The following SEC24A variants were observed in gnomAD, a reference collection of about 807,000 sequenced individuals.
SEC24A encodes the protein SEC24 homolog A, COPII component.
In SEC24A, 93 loss-of-function variants were observed where a neutral mutation model predicts 129.4. That is an observed-to-expected ratio of 0.72 (90% CI 0.61 to 0.85). The LOEUF is 0.85. SEC24A is among the 40% of genes least tolerant of loss of function. The probability of loss-of-function intolerance (pLI) is 0.00; values close to 1 mark genes in which losing one functional copy is unlikely to be tolerated. For synonymous variants in SEC24A, 460 were observed against 467.3 expected (o/e 0.98, Z 0.20); for missense variants, 1,264 against 1,307.4 (o/e 0.97, Z 0.51).
At chr5:134,672,888 A>G (rs995846853) in intron 4 of SEC24A, among the ~76,000 whole-genome samples, 9 of 151,744 alleles carry the variant, frequency 5.9e-5, no homozygotes, top group South Asian at 2.1e-4. Context: ...GGCATATGGT[A>G]CCATGCCAGG....
intron 3 of SEC24A, among the ~76,000 whole-genome samples, chr5:134,668,743 C>T (rs907339653): frequency 3.1e-4 from 46 of 147,510 alleles, no homozygotes; most frequent in Admixed American, 2.0e-3. Context: ...ACAAAAAAAA[C>T]CAATTAGCCA....
intron 10 of SEC24A, among the ~76,000 whole-genome samples, 195 bp from the exon 11 acceptor site, chr5:134,687,986 G>T (rs1444171528): frequency 1.3e-5 from 2 of 151,896 alleles, no homozygotes; most frequent in African/African-American, 4.8e-5. Flanking sequence ...TTTATTGTTT[G>T]GCTTACATGT....
chr5:134,665,215 G>A (rs1477480127), intron 2 of SEC24A, among the ~76,000 whole-genome samples: 3 of 151,702 alleles, frequency 2.0e-5, no homozygotes, highest in East Asian at 2.0e-4. Flanking sequence ...TTGAGAGGCC[G>A]AGGCGGGTGG....
chr5:134,715,197 G>T (rs1460685927), intron 19 of SEC24A, 36 bp downstream of exon 19: 1 of 1,568,022 alleles, frequency 6.4e-7, no homozygotes, highest in Non-Finnish European at 8.7e-7. Flanking sequence ...TTTACTTGAA[G>T]ATTAGTAAGC....
At position 134,664,822 on chromosome 5, in the gene SEC24A, G is replaced by T. The variant is rs767804507; in HGVS notation, c.566-2001G>T. On this transcript the variant is annotated intron_variant, in intron 2 of 22. Transcript: ENST00000398844. ...TTTTTTTTTTTTTTTTTTTTGAGACGGAGCCTTACTCTGTCGCCCAGGCTA... is the reference window on the plus strand; with the variant it reads ...TTTTTTTTTTTTTTTTTTTTGAGACTGAGCCTTACTCTGTCGCCCAGGCTA... Among the ~76,000 whole-genome samples the T allele has an allele frequency of 3.8e-5, 4 of 104,232 alleles. No individual in the cohort carries two copies. In the East Asian group the frequency reaches 7.9e-4, roughly 21 times the overall value. The allele number at this position is 104,232 out of a possible 152,430, so 68.4% of individuals were successfully genotyped here. A position where few individuals can be genotyped will look rare whatever the true frequency, so the allele number is the denominator to read the frequency against.
chr5:134,667,161 C>T (rs1750689500), intron 3 of SEC24A, among the ~76,000 whole-genome samples, 165 bp downstream of exon 3: 1 of 152,094 alleles, frequency 6.6e-6, no homozygotes. Flanking sequence ...TCAGGAATTC[C>T]ATTGCCATCC....
At chr5:134,716,690 C>T (rs534659682) in intron 19 of SEC24A, among the ~76,000 whole-genome samples, 1 of 146,962 alleles carries the variant, frequency 6.8e-6, no homozygotes, top group East Asian at 2.2e-4. Flanking sequence ...CCTGGGTACT[C>T]GGGAGGCTGA....
At chr5:134,721,124 C>A in intron 21 of SEC24A, 34 bp downstream of exon 21, 1 of 1,318,842 alleles carries the variant, frequency 7.6e-7, no homozygotes, top group Non-Finnish European at 1.1e-6. Flanking sequence ...TTATAAAGGG[C>A]ATTTCAAAGT....
At chr5:134,692,961 G>T in intron 12 of SEC24A, 1 of 1,285,406 alleles carries the variant, frequency 7.8e-7, no homozygotes, top group South Asian at 1.3e-5. Flanking sequence ...CTGAGATAAA[G>T]CTTCTGGTCA....
intron 11 of SEC24A, among the ~76,000 whole-genome samples, chr5:134,688,562 C>T (rs1751527654): frequency 6.6e-6 from 1 of 152,028 alleles, no homozygotes; most frequent in Non-Finnish European, 1.5e-5. Context: ...TTTTTTTCCC[C>T]CTTCTTCCCA....
At chr5:134,722,317 C>G (rs1752649371) in intron 21 of SEC24A, among the ~76,000 whole-genome samples, 1 of 151,946 alleles carries the variant, frequency 6.6e-6, no homozygotes, top group Non-Finnish European at 1.5e-5. Context: ...ATGGAGAAAC[C>G]CCCGTCTCAA....
intron 13 of SEC24A, among the ~76,000 whole-genome samples, chr5:134,696,749 C>T (rs946705457): frequency 3.3e-5 from 5 of 151,838 alleles, no homozygotes; most frequent in South Asian, 2.1e-4. Context: ...CCACCCACCT[C>T]GGCCTCCCAA....
intron 1 of SEC24A, among the ~76,000 whole-genome samples, chr5:134,650,835 C>T (rs1162483673): frequency 6.6e-6 from 1 of 151,788 alleles, no homozygotes; most frequent in Non-Finnish European, 1.5e-5. Context: ...AGTGCAATGG[C>T]GCTATCTCGG....
Position 134,686,907 on chromosome 5 carries a change from G to GT in SEC24A, c.1604+8dup, listed in dbSNP as rs760234674. 2 of 1,505,582 alleles carry GT rather than the reference G, an allele frequency of 1.3e-6. No individual in the cohort carries two copies. The highest frequency in any genetic ancestry group is 2.4e-5 in the South Asian group (2 of 84,264). The allele number at this position is 1,505,582 out of a possible 1,614,324, so 93.3% of individuals were successfully genotyped here. On this transcript the variant is annotated splice_donor_region_variant and intron_variant, in intron 10 of 22. Transcript: ENST00000398844. Reference sequence around the variant, plus strand: ...TTTGTTAGACAATCTGGATTTGTAAGTTTCTCAATTCAGCTTAAATATGAA... The same window carrying GT: ...TTTGTTAGACAATCTGGATTTGTAAGTTTTCTCAATTCAGCTTAAATATGAA...
At chr5:134,722,389 A>G (rs1164409877) in intron 21 of SEC24A, among the ~76,000 whole-genome samples, 1 of 151,468 alleles carries the variant, frequency 6.6e-6, no homozygotes, top group Non-Finnish European at 1.5e-5. Context: ...ACATGGAGAA[A>G]CCCCCATCTC....
Position 134,697,175 on chromosome 5 carries a change from A to G in SEC24A, c.2036A>G (p.Asp679Gly), listed in dbSNP as rs1315854014. The G allele has an allele frequency of 1.3e-6, 2 of 1,595,680 alleles. No individual in the cohort carries two copies. The highest frequency in any genetic ancestry group is 1.7e-6 in the Non-Finnish European group (2 of 1,164,540). Residue 679 changes from aspartate to glycine, a missense_variant, in exon 14 of 23, where the codon GAC becomes GGC. Asp to Gly is a moderately conservative substitution (Grantham distance 94, BLOSUM62 -1). Transcript: ENST00000398844. ...STDFYKKLAL[D>G]CSGQQVAVDL... ...GACTTCTATAAGAAATTAGCCTTGG[A>G]CTGTTCTGGTCAGCAAGTTGCTGTT...
intron 2 of SEC24A, among the ~76,000 whole-genome samples, chr5:134,664,365 A>T (rs1750580404): frequency 6.6e-6 from 1 of 151,988 alleles, no homozygotes; most frequent in African/African-American, 2.4e-5. Flanking sequence ...TTAATAGGTC[A>T]CCTTTAAGCA....
intron 16 of SEC24A, 52 bp from the exon 17 acceptor site, chr5:134,705,275 C>G: frequency 7.2e-7 from 1 of 1,388,662 alleles, no homozygotes; most frequent in East Asian, 2.3e-5. Flanking sequence ...TTAACATAAT[C>G]TTTTGTTTTA....
intron 15 of SEC24A, among the ~76,000 whole-genome samples, chr5:134,700,965 G>A (rs1382280547): frequency 4.0e-5 from 6 of 151,718 alleles, no homozygotes; most frequent in Non-Finnish European, 5.9e-5. Context: ...TGATCCATCC[G>A]CCTCGGCCTC....
Sources: allele counts gnomAD v4.1 joint callset (sites outside exome capture counted in the v4.1 genomes callset), GRCh38; gene constraint gnomAD v4.1.1; transcripts MANE v1.5; gene names NCBI Gene and HGNC (gene_info 2026-07-23, HGNC 2026-07-21).